POM121: variants seen among roughly 807,000 people sequenced by gnomAD.
POM121 encodes POM121 transmembrane nucleoporin, also known as nuclear envelope pore membrane protein POM 121.
Under a neutral mutation model 81.3 loss-of-function variants are expected in POM121, and 32 were observed. That is an observed-to-expected ratio of 0.39 (90% confidence interval 0.30 to 0.53). POM121 has a LOEUF of 0.53. POM121 is among the 20% of genes least tolerant of loss of function. The pLI, the probability that POM121 is intolerant of heterozygous loss-of-function variation, is 0.66. For missense variants in POM121, 1,138 were observed against 1,614.6 expected (o/e 0.70, Z 5.06); for synonymous variants, 514 against 694.2 (o/e 0.74, Z 4.08).
chr7:72,912,215 A>G (rs1477721717), intron 3 of POM121, among the ~76,000 whole-genome samples: 1 of 152,234 alleles, frequency 6.6e-6, no homozygotes, highest in Non-Finnish European at 1.5e-5. Context: ...TTCCTCATGC[A>G]GTACTCTGCA....
At position 72,895,908 on chromosome 7, in the gene POM121, A is replaced by G. The variant is rs1791901626; in HGVS notation, c.-216+4798A>G. On this transcript the variant is annotated intron_variant, in intron 3 of 15. Coordinates refer to the POM121 transcript ENST00000395270. ...TGGGTGACAGAGCAAGACTGTCTCA[A>G]AATGAATAAATCAATCAAATCTATC... 2.0e-5 allele frequency among the ~76,000 whole-genome samples: 3 copies of G among 147,960 alleles called. No individual in the cohort carries two copies. The South Asian group carries it at 6.2e-4, about 31-fold the overall frequency.
At chr7:72,882,898 C>T (rs1407371037) in intron 1 of POM121, among the ~76,000 whole-genome samples, 3 of 152,224 alleles carry the variant, frequency 2.0e-5, no homozygotes, top group Non-Finnish European at 4.4e-5. Flanking sequence ...GCCCCTTCCT[C>T]ACAGGACCCT....
rs1563166692 is a variant in POM121, at chr7:72,939,914, G to A, written c.1509G>A (p.Gln503=). 2.5e-6 allele frequency: 4 copies of A among 1,608,486 alleles called. No individual in the cohort carries two copies. The highest frequency in any genetic ancestry group is 2.5e-6 in the Non-Finnish European group (3 of 1,177,084). The change falls in exon 8 of 13, where the codon CAG becomes CAA. Residue 503 remains glutamine (Q), a synonymous_variant. Transcript: ENST00000434423. ...NSQSTPGSSG[Q]RKRKVQLLPS... ...AGTCTACACCTGGCAGCTCTGGGCA[G>A]CGTAAGCGGAAAGTTCAGCTGCTGC...
chr7:72,939,162 C>T (rs550719089), intron 6 of POM121, among the ~76,000 whole-genome samples, 174 bp from the exon 7 acceptor site: 3 of 152,316 alleles, frequency 2.0e-5, no homozygotes, highest in South Asian at 2.1e-4. Context: ...TGTGAACAGC[C>T]TCCCTTCATT....
rs554522257 is a variant in POM121 at position 72,882,622 on chromosome 7, G to C, written c.-521+2737G>C. On this transcript the variant is annotated intron_variant, in intron 1 of 15. Coordinates refer to the POM121 transcript ENST00000395270. ...ATTTTTCCAGGGACGGAAATATCGT[G>C]ATCCAAGTAAACAATTCTGTTTTTA... Among the ~76,000 whole-genome samples, 8 of 152,204 alleles carry C rather than the reference G, an allele frequency of 5.3e-5. No homozygotes were observed. The South Asian group carries it at 1.5e-3, about 28-fold the overall frequency.
At chr7:72,901,044 G>A (rs554983438) in intron 3 of POM121, among the ~76,000 whole-genome samples, 130 of 151,328 alleles carry the variant, frequency 8.6e-4, no homozygotes, top group African/African-American at 3.0e-3. Context: ...AGACTGCAGT[G>A]GTGTAATCAT....
chr7:72,938,668 G>T lies in POM121; in HGVS notation c.1354G>T (p.Ala452Ser), dbSNP rs150874416. ...SSRSQTPERPAKKIREEELCH... is the reference protein window; with the variant it reads ...SSRSQTPERPSKKIREEELCH... Reference sequence around the variant, plus strand: ...CCGCTCCCAGACACCGGAGAGGCCAGCAAAGAAAATAAGGTACTTGGCATT... The same window carrying T: ...CCGCTCCCAGACACCGGAGAGGCCATCAAAGAAAATAAGGTACTTGGCATT... The change falls in exon 6 of 13, where the codon GCA becomes TCA. Residue 452 changes from alanine (A) to serine (S), a missense_variant. Ala to Ser is a moderately conservative substitution (Grantham distance 99). This residue lies in a region of POM121 where 646 missense variants were observed against 633.5 expected (regional missense o/e 1.02). Coordinates refer to ENST00000434423, the MANE Select transcript of POM121 (RefSeq NM_001387691.1). 4.6e-5 allele frequency: 74 copies of T among 1,613,698 alleles called. No homozygotes were observed. In the African/African-American group the frequency reaches 8.9e-4, roughly 19 times the overall value.
At chr7:72,920,158 G>C (rs1794664885), upstream of POM121, among the ~76,000 whole-genome samples, 1 of 152,022 alleles carries the variant, frequency 6.6e-6, no homozygotes, top group South Asian at 2.1e-4. Flanking sequence ...GTGGGATATA[G>C]TTAAAATTAA....
intron 11 of POM121, among the ~76,000 whole-genome samples, chr7:72,943,804 A>C (rs1255296233): frequency 6.6e-6 from 1 of 152,186 alleles, no homozygotes; most frequent in Non-Finnish European, 1.5e-5. Context: ...TTGGGAGGCC[A>C]AGGAGGGTGC....
intron 3 of POM121, among the ~76,000 whole-genome samples, chr7:72,898,979 C>CTTTTTTTTTTTTTTTT (rs1176371162): frequency 1.8e-4 from 6 of 34,102 alleles, no homozygotes; most frequent in East Asian, 9.0e-4. Flanking sequence ...CTTTTCTTTT[C>CTTTTTTTTTTTTTTTT]TTTTTTTTTT....
intron 3 of POM121, among the ~76,000 whole-genome samples, chr7:72,896,238 A>G (rs1791936087): frequency 2.6e-5 from 4 of 151,424 alleles, no homozygotes; most frequent in African/African-American, 9.7e-5. Context: ...TAATCCCAGC[A>G]CTTTCGGTGG....
chr7:72,921,071 A>G (rs1586135960), upstream of POM121, among the ~76,000 whole-genome samples: 1 of 151,986 alleles, frequency 6.6e-6, no homozygotes, highest in African/African-American at 2.4e-5. Context: ...AATACCAGCT[A>G]CTCTGCTGAG....
At chr7:72,882,652 T>G (rs1362477113) in intron 1 of POM121, among the ~76,000 whole-genome samples, 1 of 152,152 alleles carries the variant, frequency 6.6e-6, no homozygotes, top group Non-Finnish European at 1.5e-5. Context: ...TTTTTACTGT[T>G]GAGTCCTAGA....
At chr7:72,945,836 G>T in intron 12 of POM121, 128 bp downstream of exon 12, 2 of 1,452,608 alleles carry the variant, frequency 1.4e-6, no homozygotes, top group Admixed American at 5.1e-5. Flanking sequence ...TTCGGGTTAG[G>T]AGTCCAGCAC....
intron 3 of POM121, among the ~76,000 whole-genome samples, chr7:72,893,428 A>G (rs1311018769): frequency 6.6e-6 from 1 of 151,776 alleles, no homozygotes; most frequent in Non-Finnish European, 1.5e-5. Flanking sequence ...CTAAAAATAC[A>G]AAAAAATTAG....
In POM121 at chr7:72,945,677, C is replaced by T. The variant is rs782616568; in HGVS notation, c.3621C>T (p.Pro1207=). Residue 1207 remains proline, a synonymous_variant, in exon 12 of 13, where the codon CCC becomes CCT. Transcript: ENST00000434423. Reference sequence around the variant, plus strand: ...TCTCCTTTGGGGCATCCTCAGCACCCGCCCAAGGCTTTGTTGGTGTTGCAC... The same window carrying T: ...TCTCCTTTGGGGCATCCTCAGCACCTGCCCAAGGCTTTGTTGGTGTTGCAC... ...SSLSFGASSA[P]AQGFVGVAPF... The T allele has an allele frequency of 6.2e-6, 10 of 1,611,916 alleles. No homozygotes were observed. In the East Asian group the frequency reaches 6.7e-5, roughly 11 times the overall value.
intron 11 of POM121, among the ~76,000 whole-genome samples, chr7:72,944,694 G>C (rs1797489752): frequency 6.6e-6 from 1 of 152,118 alleles, no homozygotes; most frequent in Non-Finnish European, 1.5e-5. Context: ...GGAGTGGAGA[G>C]CGGGTGAAGT....
chr7:72,939,520 G>C (rs557462702), intron 7 of POM121, 111 bp downstream of exon 7: 2 of 1,442,772 alleles, frequency 1.4e-6, no homozygotes, highest in African/African-American at 2.9e-5. Context: ...TATGTCTAAG[G>C]CATGTTAGAT....
chr7:72,931,760 G>A (rs1796046637), intron 5 of POM121, among the ~76,000 whole-genome samples: 1 of 151,976 alleles, frequency 6.6e-6, no homozygotes, highest in Non-Finnish European at 1.5e-5. Context: ...TAGTAGAGAC[G>A]AGATTTCACC....
Sources: gnomAD v4.1 joint callset for allele counts (sites outside exome capture counted in the v4.1 genomes callset) on GRCh38, gnomAD v4.1.1 for gene constraint, gnomAD v4.1.1 regional missense constraint, MANE v1.5 for transcripts, NCBI Gene and HGNC (gene_info 2026-07-23, HGNC 2026-07-21) for gene names.